The following SLC25A13 variants were observed in gnomAD, a reference collection of about 807,000 sequenced individuals.
The protein encoded by SLC25A13 is electrogenic aspartate/glutamate antiporter SLC25A13, mitochondrial.
SLC25A13 carries 70 observed loss-of-function variants against 85.5 expected under a neutral mutation model. The ratio of observed to expected loss-of-function variants is 0.82; its 90% CI spans 0.68 to 1.00. The LOEUF (loss-of-function observed/expected upper bound fraction) is 1.00. Ranked by LOEUF, SLC25A13 falls within the 50% of genes least tolerant of loss-of-function variation. The pLI, the probability that SLC25A13 is intolerant of heterozygous loss-of-function variation, is 0.00. For synonymous variants in SLC25A13, 259 were observed against 288.7 expected (o/e 0.90, Z 1.04); for missense variants, 765 against 819.8 (o/e 0.93, Z 0.82).
rs1404871807 is a variant in SLC25A13 at position 96,192,707 on chromosome 7, G to C, written c.615+330C>G. Among the ~76,000 whole-genome samples, 3 of 147,960 alleles carry C rather than the reference G, an allele frequency of 2.0e-5. No individual in the cohort carries two copies. In the East Asian group the frequency reaches 5.9e-4, roughly 29 times the overall value. On this transcript the variant is annotated intron_variant, in intron 6 of 17. Transcript: ENST00000265631. ...CTATTTTTTTTTTTTTTTTGCCTTA[G>C]AGCATCTAAGAAGATTAGCAAAAAT...
intron 4 of SLC25A13, among the ~76,000 whole-genome samples, chr7:96,212,861 C>T (rs1468586439): frequency 3.9e-5 from 6 of 152,194 alleles, no homozygotes; most frequent in African/African-American, 1.4e-4. Context: ...TTGTTTACCA[C>T]TTGGCATAAT....
intron 3 of SLC25A13, among the ~76,000 whole-genome samples, chr7:96,245,509 T>C (rs1797156076): frequency 6.6e-6 from 1 of 152,210 alleles, no homozygotes; most frequent in African/African-American, 2.4e-5. Flanking sequence ...TAAATATCCT[T>C]TATTTCTTAA....
Position 96,290,065 on chromosome 7 carries a change from G to A in SLC25A13, c.69+6833C>T, listed in dbSNP as rs775387167. Among the ~76,000 whole-genome samples the A allele has an allele frequency of 3.6e-4, 55 of 152,158 alleles. 1 individual carries two copies. The highest frequency in any genetic ancestry group is 1.1e-3 in the African/African-American group (45 of 41,432). On this transcript the variant is annotated intron_variant, in intron 2 of 17. Transcript: ENST00000265631. ...CCATCAGACTAACAGCAGATCTCTC[G>A]ACAGAAACTGATCTCCCGACAGATC...
chr7:96,299,359 TTA>T (rs1487897802), intron 1 of SLC25A13, among the ~76,000 whole-genome samples: 1 of 152,198 alleles, frequency 6.6e-6, no homozygotes, highest in Non-Finnish European at 1.5e-5. Flanking sequence ...GACCCAACAC[TTA>T]TAAGGCATGT....
At chr7:96,298,157 A>G (rs1043491720) in intron 1 of SLC25A13, among the ~76,000 whole-genome samples, 1 of 152,202 alleles carries the variant, frequency 6.6e-6, no homozygotes, top group Non-Finnish European at 1.5e-5. Flanking sequence ...TGCTATCCAC[A>G]GGGAAACTTA....
At chr7:96,319,078 G>A (rs1381540428) in intron 1 of SLC25A13, among the ~76,000 whole-genome samples, 2 of 152,194 alleles carry the variant, frequency 1.3e-5, no homozygotes, top group African/African-American at 4.8e-5. Context: ...TTCAATAAGG[G>A]ACATTCTTGG....
At chr7:96,203,163 T>C (rs965300747) in intron 5 of SLC25A13, among the ~76,000 whole-genome samples, 4 of 152,206 alleles carry the variant, frequency 2.6e-5, no homozygotes, top group African/African-American at 9.6e-5. Flanking sequence ...AGTCTTAGGA[T>C]AAAGAGCCGT....
At chr7:96,302,716 C>T (rs1002682159) in intron 1 of SLC25A13, among the ~76,000 whole-genome samples, 7 of 152,158 alleles carry the variant, frequency 4.6e-5, no homozygotes, top group African/African-American at 1.4e-4. Context: ...AAAAATCTGA[C>T]ATTTACAATG....
chr7:96,299,762 C>CTTA (rs1374818576), intron 1 of SLC25A13, among the ~76,000 whole-genome samples: 1 of 152,176 alleles, frequency 6.6e-6, no homozygotes, highest in Non-Finnish European at 1.5e-5. Flanking sequence ...ATATAGTGTA[C>CTTA]TTATACAAAC....
intron 2 of SLC25A13, among the ~76,000 whole-genome samples, chr7:96,290,434 T>A (rs1475570263): frequency 1.3e-5 from 2 of 152,006 alleles, no homozygotes; most frequent in Admixed American, 1.3e-4. Context: ...AATATTAACC[T>A]TAAATGTAAA....
At chr7:96,254,837 T>C (rs1331352775) in intron 3 of SLC25A13, among the ~76,000 whole-genome samples, 1 of 152,006 alleles carries the variant, frequency 6.6e-6, no homozygotes, top group Non-Finnish European at 1.5e-5. Context: ...GAATGACCTA[T>C]AAAAAGGAAG....
chr7:96,137,197 C>T (rs1335911929), intron 14 of SLC25A13, among the ~76,000 whole-genome samples: 1 of 152,142 alleles, frequency 6.6e-6, no homozygotes, highest in Non-Finnish European at 1.5e-5. Flanking sequence ...GAGTGTCTTG[C>T]TGAGAAATAG....
chr7:96,185,167 A>C (rs182707134), intron 9 of SLC25A13, among the ~76,000 whole-genome samples, 156 bp from the exon 10 acceptor site: 1 of 152,384 alleles, frequency 6.6e-6, no homozygotes, highest in East Asian at 1.9e-4. Context: ...AATGGATTTC[A>C]TAAGTTCTTA....
At chr7:96,186,326 G>A (rs1180454382) in intron 9 of SLC25A13, among the ~76,000 whole-genome samples, 2 of 151,886 alleles carry the variant, frequency 1.3e-5, no homozygotes, top group African/African-American at 4.8e-5. Flanking sequence ...CTACTTGGGA[G>A]GCTGAGGCAG....
At chr7:96,222,914 G>A (rs1796188485) in intron 4 of SLC25A13, among the ~76,000 whole-genome samples, 1 of 152,086 alleles carries the variant, frequency 6.6e-6, no homozygotes, top group African/African-American at 2.4e-5. Flanking sequence ...ACATTTTGAA[G>A]TCATACATAA....
intron 3 of SLC25A13, among the ~76,000 whole-genome samples, chr7:96,263,185 C>T (rs1050014552): frequency 1.3e-5 from 2 of 151,792 alleles, no homozygotes; most frequent in African/African-American, 4.9e-5. Context: ...CCAGGACTAA[C>T]TGCATTCTTC....
At chr7:96,321,759 G>C (rs982735273) in intron 1 of SLC25A13, among the ~76,000 whole-genome samples, 183 bp downstream of exon 1, 2 of 152,186 alleles carry the variant, frequency 1.3e-5, no homozygotes, top group Non-Finnish European at 2.9e-5. Context: ...TCTCTGCACC[G>C]ACCGCCTGTG....
intron 4 of SLC25A13, among the ~76,000 whole-genome samples, chr7:96,231,387 C>T (rs182473642): frequency 1.4e-3 from 219 of 152,206 alleles, no homozygotes; most frequent in Admixed American, 0.01. Context: ...CAGCAACTAA[C>T]TATAAGGAAC....
At position 96,306,980 on chromosome 7, in the gene SLC25A13, T is replaced by C. The variant is rs1799767712; in HGVS notation, c.16-10029A>G. ...TAGTGACCACAGGTCCCAGCACCGA[T>C]GGCTTCCCTTTGCCATGAGTCTGCG... On this transcript the variant is annotated intron_variant, in intron 1 of 17. Transcript: ENST00000265631. The C allele has an allele frequency of 3.0e-5, 25 of 834,452 alleles. No homozygotes were observed. In the South Asian group the frequency reaches 3.3e-4, roughly 11 times the overall value. 51.7% of individuals were successfully genotyped at this position (834,452 alleles called of 1,614,324 possible).
Sources: gnomAD v4.1 joint callset for allele counts (sites outside exome capture counted in the v4.1 genomes callset) on GRCh38, gnomAD v4.1.1 for gene constraint, MANE v1.5 for transcripts, NCBI Gene and HGNC (gene_info 2026-07-23, HGNC 2026-07-21) for gene names.